Variants in RABL6 observed in about 807,000 individuals in gnomAD.
RABL6 encodes rab-like protein 6.
A neutral mutation model predicts 72.9 loss-of-function variants in RABL6; 28 were observed. The observed-to-expected ratio is 0.38, with a 90% CI of 0.28 to 0.53. The LOEUF is 0.53. RABL6 is among the 20% of genes least tolerant of loss of function. The pLI is 0.80. For missense variants in RABL6, 1,029 were observed against 1,008.4 expected, an observed-to-expected ratio of 1.02 and a Z score of -0.28; for synonymous variants, 477 against 421.2, an observed-to-expected ratio of 1.13 and a Z score of -1.62.
Position 136,838,967 on chromosome 9 carries a change from C to G in RABL6, c.1339C>G (p.Leu447Val). Residue 447 changes from leucine (L) to valine (V), a missense_variant, in exon 11 of 15, where the codon CTC (leucine) becomes GTC (valine). Physicochemically the swap from Leu to Val is conservative, Grantham distance 32 (BLOSUM62 1). This residue lies in a region of RABL6 where 595 missense variants were observed against 472.4 expected (regional missense o/e 1.26). Transcript: ENST00000311502. ...GGCAGGGTTCCAGGACGATGTGGACCTCGAAGACCAGCCACGTGGGAGTCC... is the reference window on the plus strand; with the variant it reads ...GGCAGGGTTCCAGGACGATGTGGACGTCGAAGACCAGCCACGTGGGAGTCC... The part of the protein sequence containing the change: ...MVAGFQDDVD[L>V]EDQPRGSPPL... 6.2e-7 allele frequency: 1 copy of G among 1,611,144 alleles called. No individual in the cohort carries two copies. Among genetic ancestry groups the G allele is most frequent in the Non-Finnish European group, 8.5e-7 (1 of 1,179,262 alleles).
intron 1 of RABL6, among the ~76,000 whole-genome samples, chr9:136,812,443 C>CA (rs1286305492): frequency 6.6e-6 from 1 of 152,068 alleles, no homozygotes; most frequent in Non-Finnish European, 1.5e-5. Context: ...CCTGTAATCC[C>CA]AGCTACTCGG....
intron 2 of RABL6, among the ~76,000 whole-genome samples, chr9:136,824,758 G>C (rs1848317466): frequency 6.6e-6 from 1 of 152,196 alleles, no homozygotes; most frequent in Non-Finnish European, 1.5e-5. Context: ...TGCAGGAACA[G>C]CCGTGGAGTT....
At chr9:136,817,258 G>A (rs1848138667) in intron 1 of RABL6, among the ~76,000 whole-genome samples, 1 of 152,168 alleles carries the variant, frequency 6.6e-6, no homozygotes, top group Non-Finnish European at 1.5e-5. Flanking sequence ...ACAAGTTCCA[G>A]AAGGAGAAGA....
chr9:136,815,242 C>G (rs537336601), intron 1 of RABL6: 1 of 303,472 alleles, frequency 3.3e-6, no homozygotes, highest in Non-Finnish European at 6.5e-6. Flanking sequence ...AGTGCTTTGC[C>G]TGCTATGGCT....
intron 6 of RABL6, 137 bp downstream of exon 6, chr9:136,831,998 G>A: frequency 3.9e-6 from 5 of 1,281,588 alleles, no homozygotes; most frequent in African/African-American, 1.5e-5. Flanking sequence ...GCTGAGTGGG[G>A]CTCACTGAAG....
In RABL6 at chr9:136,840,992, A is replaced by G. The variant is rs1357847377; in HGVS notation, c.*470A>G. 6.4e-5 allele frequency: 92 copies of G among 1,445,342 alleles called. No individual in the cohort carries two copies. The highest frequency in any genetic ancestry group is 8.3e-5 in the Non-Finnish European group (91 of 1,096,124). The allele number at this position is 1,445,342 out of a possible 1,614,324, so 89.5% of individuals were successfully genotyped here. A position where few individuals can be genotyped will look rare whatever the true frequency, so the allele number is the denominator to read the frequency against. ...GAACACGGGTGTGCAGACTCACCCT[A>G]AAGGGCGGCCCAGGCCCCACGCTAG... On this transcript the variant is annotated 3_prime_UTR_variant, in exon 15 of 15. Transcript: ENST00000311502.
chr9:136,832,221 G>A (rs1848491949), intron 6 of RABL6, 44 bp from the exon 7 acceptor site: 1 of 1,552,950 alleles, frequency 6.4e-7, no homozygotes, highest in African/African-American at 1.4e-5. Flanking sequence ...TTGGCACCAG[G>A]GCAAGGGTCT....
At chr9:136,840,252 G>A in intron 14 of RABL6, 40 bp downstream of exon 14, 1 of 1,612,456 alleles carries the variant, frequency 6.2e-7, no homozygotes. Flanking sequence ...AGGACTGGGT[G>A]GCATGCGGTC....
chr9:136,808,063 A>AC lies in RABL6; in HGVS notation c.-130dup. On this transcript the variant is annotated 5_prime_UTR_variant, in exon 1 of 15. Transcript: ENST00000311502. ...CTCGGGGCTGCGCTCCGCCGCCGGG[A>AC]CCCCGGCCTCTGGCCGCGCCGGCTC... is the stretch of plus-strand genomic sequence containing the variant. 8.9e-7 allele frequency: 1 copy of AC among 1,127,056 alleles called. No individual in the cohort carries two copies. Among genetic ancestry groups the AC allele is most frequent in the Non-Finnish European group, 1.1e-6 (1 of 915,252 alleles). The allele number at this position is 1,127,056 out of a possible 1,614,324, so 69.8% of individuals were successfully genotyped here.
In RABL6 at chr9:136,823,562, G is replaced by C. The variant is rs767763981; in HGVS notation, c.168G>C (p.Lys56Asn). ...IVIRGDRNTG[K>N]TALWHRLQGR... ...TCCGGGGAGACAGGAACACGGGCAA[G>C]ACAGCGCTGTGGCACCGCCTGCAGG... Residue 56 changes from lysine (K) to asparagine (N), a missense_variant, in exon 2 of 15, where the codon AAG (lysine) becomes AAC (asparagine). Physicochemically the swap from Lys to Asn is moderately conservative, Grantham distance 94. Transcript: ENST00000311502. The C allele has an allele frequency of 6.2e-7, 1 of 1,613,896 alleles. No homozygotes were observed.
chr9:136,808,384 C>A (rs1235914907), intron 1 of RABL6, 58 bp downstream of exon 1: 1 of 1,395,848 alleles, frequency 7.2e-7, no homozygotes, highest in African/African-American at 1.5e-5. Flanking sequence ...GAACCCAGGC[C>A]CCGGGCGCCG....
intron 7 of RABL6, chr9:136,833,312 C>T (rs1379057683): frequency 3.1e-6 from 1 of 320,032 alleles, no homozygotes; most frequent in Non-Finnish European, 5.9e-6. Flanking sequence ...GCTGCCCCAG[C>T]TGGATCTGGG....
intron 1 of RABL6, among the ~76,000 whole-genome samples, chr9:136,819,157 A>C (rs1015485661): frequency 6.6e-6 from 1 of 151,780 alleles, no homozygotes; most frequent in Non-Finnish European, 1.5e-5. Context: ...CCCGTCTCTA[A>C]TAAAAATACA....
Position 136,837,490 on chromosome 9 carries a change from G to A in RABL6, c.954G>A (p.Gln318=), listed in dbSNP as rs755654719. 4.8e-5 allele frequency: 74 copies of A among 1,534,654 alleles called. No individual in the cohort carries two copies. In the Admixed American group the frequency reaches 1.4e-3, roughly 29 times the overall value. The change falls in exon 9 of 15, where the codon CAG becomes CAA. Residue 318 remains glutamine, a synonymous_variant. Coordinates refer to ENST00000311502, the MANE Select transcript of RABL6 (RefSeq NM_024718.5). ...GGAGCTCCAGCCCCGGCACACCCCA[G>A]CCCGCCCCACAGCTGCCCCTCAATG... is the stretch of plus-strand genomic sequence containing the variant. ...STGSSSPGTP[Q]PAPQLPLNAA...
rs935786317 is a variant in RABL6 at position 136,808,524 on chromosome 9, C to T, written c.130+198C>T. 3.2e-4 allele frequency: 127 copies of T among 403,020 alleles called. 1 individual carries two copies. In the East Asian group the frequency reaches 6.3e-3, roughly 20 times the overall value. 25.0% of individuals were successfully genotyped at this position (403,020 alleles called of 1,614,324 possible). On this transcript the variant is annotated intron_variant, in intron 1 of 14. Transcript: ENST00000311502. The stretch of plus-strand genomic sequence containing the variant: ...CCAGGCCAGGGCCGGGTCCTCGCGG[C>T]CCCCGAGCCGCGGGTCGTTTCCCAG...
intron 1 of RABL6, among the ~76,000 whole-genome samples, chr9:136,811,384 G>A (rs543210174): frequency 1.3e-5 from 2 of 152,176 alleles, no homozygotes; most frequent in East Asian, 1.9e-4. Context: ...TTGAGAGGCC[G>A]AGGCAGGCGG....
rs1482236161 is a variant in RABL6 at position 136,840,813 on chromosome 9, A to G, written c.*291A>G. ...GCCGCCAGTGTTTCTCAGGGATGTG[A>G]CTGAGGCCCAGGAGGGACCTGTGAG... is the stretch of plus-strand genomic sequence containing the variant. On this transcript the variant is annotated 3_prime_UTR_variant, in exon 15 of 15. Coordinates refer to ENST00000311502, the MANE Select transcript of RABL6 (RefSeq NM_024718.5). 1.3e-6 allele frequency: 2 copies of G among 1,546,918 alleles called. No individual in the cohort carries two copies. Among genetic ancestry groups the G allele is most frequent in the Non-Finnish European group, 1.7e-6 (2 of 1,146,754 alleles).
rs1483016788 is a variant in RABL6 at position 136,840,227 on chromosome 9, C to A, written c.1989+15C>A. ...AAGGCAAAGAGGTACTGGCTACTCC[C>A]CTTCCTGGCAGGCCAGGACTGGGTG... On this transcript the variant is annotated intron_variant, in intron 14 of 14. Coordinates refer to ENST00000311502, the MANE Select transcript of RABL6 (RefSeq NM_024718.5). 1 of 1,612,770 alleles carries A rather than the reference C, an allele frequency of 6.2e-7. No individual in the cohort carries two copies. The highest frequency in any genetic ancestry group is 8.5e-7 in the Non-Finnish European group (1 of 1,179,828).
At chr9:136,839,943 TGGC>T in intron 13 of RABL6, 78 bp downstream of exon 13, 1 of 1,539,186 alleles carries the variant, frequency 6.5e-7, no homozygotes, top group Non-Finnish European at 8.8e-7. Context: ...TGCTGGCCGC[TGGC>T]CGGGGTCCTC....
Sources: allele counts gnomAD v4.1 joint callset (sites outside exome capture counted in the v4.1 genomes callset), GRCh38; gene constraint gnomAD v4.1.1; regional missense constraint gnomAD v4.1.1; transcripts MANE v1.5; gene names NCBI Gene and HGNC (gene_info 2026-07-23, HGNC 2026-07-21).